DPP6: variants seen among roughly 807,000 people sequenced by gnomAD.
The protein encoded by DPP6 is A-type potassium channel modulatory protein DPP6.
In DPP6, 69 loss-of-function variants were observed where a neutral mutation model predicts 122.6. The observed-to-expected ratio is 0.56, with a 90% CI of 0.46 to 0.69. DPP6 has a LOEUF of 0.69. Among genes scored for constraint, DPP6 ranks in the 30% least tolerant of loss-of-function variants. The pLI, the probability that DPP6 is intolerant of heterozygous loss-of-function variation, is 0.00. For synonymous variants in DPP6, 418 were observed against 433.1 expected (o/e 0.97, Z 0.43); for missense variants, 928 against 1,116.9 (o/e 0.83, Z 2.41).
chr7:154,388,744 G>C (rs1814344967), intron 1 of DPP6, among the ~76,000 whole-genome samples: 1 of 152,130 alleles, frequency 6.6e-6, no homozygotes. Flanking sequence ...GTTTGGGGTG[G>C]AGCGTTGACC....
intron 1 of DPP6, among the ~76,000 whole-genome samples, chr7:154,309,802 T>C (rs577326903): frequency 6.6e-6 from 1 of 152,306 alleles, no homozygotes; most frequent in African/African-American, 2.4e-5. Context: ...ATAGGGAAGG[T>C]GGTCCTTTTG....
At chr7:154,036,300 TTGGG>T (rs1413028506) in intron 1 of DPP6, among the ~76,000 whole-genome samples, 2 of 55,904 alleles carry the variant, frequency 3.6e-5, no homozygotes, top group African/African-American at 1.6e-4. Context: ...TAGCGGGGGG[TTGGG>T]GGCGGGGGGA....
At chr7:154,261,781 A>G (rs1803037669) in intron 1 of DPP6, among the ~76,000 whole-genome samples, 1 of 152,230 alleles carries the variant, frequency 6.6e-6, no homozygotes, top group Admixed American at 6.5e-5. Context: ...CAACAAACAT[A>G]TGAAAAAATG....
the DPP6 span, among the ~76,000 whole-genome samples, chr7:153,808,536 G>T: frequency 6.6e-6 from 1 of 151,968 alleles, no homozygotes; most frequent in African/African-American, 2.4e-5. Flanking sequence ...GATCTGCAGA[G>T]CTTATTCAGC....
chr7:154,036,340 C>G (rs1437463234), intron 1 of DPP6, among the ~76,000 whole-genome samples: 4 of 147,928 alleles, frequency 2.7e-5, no homozygotes, highest in Non-Finnish European at 5.9e-5. Flanking sequence ...AGGCTGGTCT[C>G]GAACTCCTGA....
At chr7:154,020,251 C>T (rs1372535247) in intron 1 of DPP6, among the ~76,000 whole-genome samples, 6 of 151,382 alleles carry the variant, frequency 4.0e-5, no homozygotes, top group African/African-American at 1.2e-4. Context: ...GATAGAGCAT[C>T]TCTGTGGGGA....
intron 1 of DPP6, among the ~76,000 whole-genome samples, chr7:154,186,990 C>T (rs925826000): frequency 6.6e-6 from 1 of 152,222 alleles, no homozygotes; most frequent in Non-Finnish European, 1.5e-5. Context: ...CTTCCTGAGC[C>T]AGTTCCCGTT....
At chr7:154,074,513 C>T (rs1803416047) in intron 1 of DPP6, among the ~76,000 whole-genome samples, 1 of 152,204 alleles carries the variant, frequency 6.6e-6, no homozygotes, top group Non-Finnish European at 1.5e-5. Flanking sequence ...CATATTTACA[C>T]AGTTCTTGTT....
chr7:153,791,701 T>A, the DPP6 span, among the ~76,000 whole-genome samples: 1 of 152,206 alleles, frequency 6.6e-6, no homozygotes, highest in Non-Finnish European at 1.5e-5. Flanking sequence ...ATTACAGGCA[T>A]GAGCCACTGC....
At chr7:154,599,815 C>G (rs1186179992) in intron 5 of DPP6, among the ~76,000 whole-genome samples, 1 of 152,040 alleles carries the variant, frequency 6.6e-6, no homozygotes, top group Non-Finnish European at 1.5e-5. Context: ...ATGATGGTTT[C>G]CAGCTTCATC....
At chr7:153,859,195 A>C in the DPP6 span, among the ~76,000 whole-genome samples, 1 of 152,208 alleles carries the variant, frequency 6.6e-6, no homozygotes, top group Non-Finnish European at 1.5e-5. Flanking sequence ...GTGATAGGCC[A>C]GGACCCTGAG....
intron 3 of DPP6, among the ~76,000 whole-genome samples, chr7:154,508,190 C>A (rs182580584): frequency 6.6e-6 from 1 of 152,270 alleles, no homozygotes; most frequent in East Asian, 1.9e-4. Flanking sequence ...TCCAAGATAG[C>A]CCCCCTTTAG....
chr7:154,766,028 C>G (rs1795874903), intron 8 of DPP6, among the ~76,000 whole-genome samples: 1 of 152,204 alleles, frequency 6.6e-6, no homozygotes, highest in South Asian at 2.1e-4. Flanking sequence ...TTCTGCCCAG[C>G]ACTTTTTTAC....
chr7:153,906,506 A>G (rs548743863), intron 1 of DPP6, among the ~76,000 whole-genome samples: 2 of 152,304 alleles, frequency 1.3e-5, no homozygotes, highest in South Asian at 2.1e-4. Flanking sequence ...GCTGGGGTGC[A>G]CTTGCATGAT....
At chr7:153,927,880 TCCTTTATTAA>T (rs1800975294) in intron 1 of DPP6, among the ~76,000 whole-genome samples, 1 of 152,200 alleles carries the variant, frequency 6.6e-6, no homozygotes, top group South Asian at 2.1e-4. Context: ...CTTTGTAGTA[TCCTTTATTAA>T]AAACAGTAAA....
intron 1 of DPP6, among the ~76,000 whole-genome samples, chr7:154,414,128 AC>A (rs1324199852): frequency 6.6e-6 from 1 of 152,142 alleles, no homozygotes; most frequent in Non-Finnish European, 1.5e-5. Flanking sequence ...GCCATTCTAA[AC>A]TTTTGCTCTT....
At chr7:154,589,005 T>C (rs1043968226) in intron 5 of DPP6, among the ~76,000 whole-genome samples, 5 of 152,220 alleles carry the variant, frequency 3.3e-5, no homozygotes, top group Non-Finnish European at 7.3e-5. Context: ...CTGCATTTGC[T>C]TAATTTTTAT....
At chr7:154,617,305 G>A (rs1409207536) in intron 5 of DPP6, among the ~76,000 whole-genome samples, 1 of 152,108 alleles carries the variant, frequency 6.6e-6, no homozygotes, top group Non-Finnish European at 1.5e-5. Context: ...GTTTCTTTGG[G>A]GATATAAAAT....
chr7:154,707,301 G>A (rs939456067), intron 7 of DPP6, among the ~76,000 whole-genome samples: 3 of 152,198 alleles, frequency 2.0e-5, no homozygotes, highest in African/African-American at 7.2e-5. Context: ...ACAGCACCAT[G>A]AGGCAAGCAC....
Sources: allele counts gnomAD v4.1 joint callset (sites outside exome capture counted in the v4.1 genomes callset), GRCh38; gene constraint gnomAD v4.1.1; transcripts MANE v1.5; gene names NCBI Gene and HGNC (gene_info 2026-07-23, HGNC 2026-07-21).